LYRM4: variants seen among roughly 807,000 people sequenced by gnomAD.
The protein encoded by LYRM4 is LYR motif containing 4.
In LYRM4, 9 loss-of-function variants were observed where a neutral mutation model predicts 11.7. The ratio of observed to expected loss-of-function variants is 0.77; its 90% CI spans 0.46 to 1.34. The LOEUF (loss-of-function observed/expected upper bound fraction) is 1.34. LYRM4 is among the 40% of genes most tolerant of loss of function. The pLI is 0.00. For missense variants in LYRM4, 133 were observed against 112.5 expected (o/e 1.18, Z -0.82); for synonymous variants, 42 against 40.4 (o/e 1.04, Z -0.15).
chr6:5,251,639 C>G (rs1361095459), intron 1 of LYRM4, among the ~76,000 whole-genome samples: 1 of 152,140 alleles, frequency 6.6e-6, no homozygotes, highest in African/African-American at 2.4e-5. Context: ...TCATGAGAAA[C>G]CTGCCCCCAT....
At chr6:5,251,390 T>C (rs892619624) in intron 1 of LYRM4, among the ~76,000 whole-genome samples, 1 of 152,218 alleles carries the variant, frequency 6.6e-6, no homozygotes, top group African/African-American at 2.4e-5. Context: ...AGAGGTTTAA[T>C]TGGCTCACAG....
rs1034892894 is a variant in LYRM4, at chr6:5,260,900, G to C, written c.-167C>G. ...TAAGCGGGCAGCCCTGCGGATCGCG[G>C]ACGGCGCCAGGCGTCCCGCGCCGCT... On this transcript the variant is annotated 5_prime_UTR_variant, in exon 1 of 3. Transcript: ENST00000330636. The C allele has an allele frequency of 8.7e-5, 121 of 1,396,260 alleles. No individual in the cohort carries two copies. Among genetic ancestry groups the C allele is most frequent in the Non-Finnish European group, 1.0e-4 (113 of 1,081,440 alleles). The allele number at this position is 1,396,260 out of a possible 1,614,324, so 86.5% of individuals were successfully genotyped here. A position where few individuals can be genotyped will look rare whatever the true frequency, so the allele number is the denominator to read the frequency against.
intron 2 of LYRM4, among the ~76,000 whole-genome samples, chr6:5,120,291 A>G (rs1180475117): frequency 6.6e-6 from 1 of 152,150 alleles, no homozygotes; most frequent in African/African-American, 2.4e-5. Context: ...CTCTGCAGGA[A>G]TGAGTCCTTT....
chr6:5,036,931 C>T, the LYRM4 span, among the ~76,000 whole-genome samples: 1 of 152,118 alleles, frequency 6.6e-6, no homozygotes, highest in Non-Finnish European at 1.5e-5. Context: ...GGAGGGTGCC[C>T]TTCAAAGTCC....
chr6:5,086,529 G>C, the LYRM4 span: 4 of 1,531,470 alleles, frequency 2.6e-6, no homozygotes, highest in Admixed American at 2.0e-5. Context: ...CCAACTACAC[G>C]CTGCGCTACG....
chr6:5,217,497 C>T (rs1485055499), intron 1 of LYRM4, among the ~76,000 whole-genome samples: 1 of 152,210 alleles, frequency 6.6e-6, no homozygotes. Flanking sequence ...CTTCTTAACA[C>T]AAGGCCGTGT....
intron 2 of LYRM4, among the ~76,000 whole-genome samples, chr6:5,146,998 G>T (rs1488435118): frequency 6.6e-6 from 1 of 152,142 alleles, no homozygotes; most frequent in African/African-American, 2.4e-5. Flanking sequence ...TGGATGGAAT[G>T]ATTTCCCCAT....
intron 2 of LYRM4, among the ~76,000 whole-genome samples, chr6:5,198,111 T>A (rs1761173597): frequency 6.6e-6 from 1 of 151,880 alleles, no homozygotes; most frequent in South Asian, 2.1e-4. Context: ...GGCAGGAGAA[T>A]CGCTTGAACC....
At chr6:5,039,326 G>A in the LYRM4 span, among the ~76,000 whole-genome samples, 1 of 152,302 alleles carries the variant, frequency 6.6e-6, no homozygotes, top group East Asian at 1.9e-4. Flanking sequence ...TCCAGGCACT[G>A]TTTTAAGTGC....
chr6:5,060,133 G>A, the LYRM4 span, among the ~76,000 whole-genome samples: 3 of 152,228 alleles, frequency 2.0e-5, no homozygotes, highest in Non-Finnish European at 2.9e-5. Flanking sequence ...TACTAACAGT[G>A]CTTCAGTGAA....
At position 5,211,272 on chromosome 6, in the gene LYRM4, A is replaced by AGAG. The variant is rs574797279; in HGVS notation, c.207+5343_207+5345dup. 1.1e-4 allele frequency among the ~76,000 whole-genome samples: 16 copies of AGAG among 152,320 alleles called. No homozygotes were observed. In the East Asian group the frequency reaches 2.7e-3, roughly 26 times the overall value. ...GGATATTGCAGTGACTGACAATGAG[A>AGAG]GAGGGCCTGGTCATGATTTACTAGC... On this transcript the variant is annotated intron_variant, in intron 2 of 2. Transcript: ENST00000330636.
chr6:5,121,536 C>T lies in LYRM4; in HGVS notation c.208-12045G>A, dbSNP rs570500489. ...CCCTGGAGCTGGCATTGCAGCATTG[C>T]ACAACAGAGGATCCCCGAGACAAAA... On this transcript the variant is annotated intron_variant, in intron 2 of 2. Coordinates refer to ENST00000330636, the MANE Select transcript of LYRM4 (RefSeq NM_020408.6). Among the ~76,000 whole-genome samples, 219 of 152,322 alleles carry T rather than the reference C, an allele frequency of 1.4e-3. 3 individuals carry two copies. The highest frequency in any genetic ancestry group is 1.4e-3 in the Non-Finnish European group (93 of 68,030).
At chr6:5,165,627 C>T (rs1759039702) in intron 2 of LYRM4, among the ~76,000 whole-genome samples, 1 of 151,952 alleles carries the variant, frequency 6.6e-6, no homozygotes, top group Admixed American at 6.6e-5. Flanking sequence ...ACTGCAGCCT[C>T]CACCTCCCAG....
chr6:5,076,286 T>G, the LYRM4 span, among the ~76,000 whole-genome samples: 6 of 152,066 alleles, frequency 3.9e-5, no homozygotes, highest in Admixed American at 2.6e-4. Flanking sequence ...CTTTGTTGGT[T>G]TTTTGTTTGT....
At chr6:5,100,946 A>T (rs364878), downstream of LYRM4, among the ~76,000 whole-genome samples, 96,321 of 152,000 alleles carry the variant, frequency 0.63, 31,376 homozygotes, top group East Asian at 0.8. Context: ...TGACCCACAC[A>T]GACACTGCCC....
intron 2 of LYRM4, among the ~76,000 whole-genome samples, chr6:5,159,047 A>T (rs531432597): frequency 6.6e-6 from 1 of 152,324 alleles, no homozygotes; most frequent in Non-Finnish European, 1.5e-5. Context: ...TTCTAATGCC[A>T]CTGTATGCTA....
At chr6:5,259,001 G>A (rs1243328324) in intron 1 of LYRM4, among the ~76,000 whole-genome samples, 1 of 152,230 alleles carries the variant, frequency 6.6e-6, no homozygotes. Context: ...TTTCAGAAAT[G>A]GAAGGGTCCT....
chr6:5,219,588 C>T (rs944578071), intron 1 of LYRM4, among the ~76,000 whole-genome samples: 3 of 152,090 alleles, frequency 2.0e-5, no homozygotes, highest in Non-Finnish European at 4.4e-5. Context: ...ATTCTTATTT[C>T]GAATGATCAC....
chr6:5,086,070 C>T, the LYRM4 span: 1 of 1,469,326 alleles, frequency 6.8e-7, no homozygotes, highest in Non-Finnish European at 8.9e-7. Flanking sequence ...CGCCGCCTTC[C>T]CGGCTCCGGC....
Sources: gnomAD v4.1 joint callset for allele counts (sites outside exome capture counted in the v4.1 genomes callset) on GRCh38, gnomAD v4.1.1 for gene constraint, MANE v1.5 for transcripts, NCBI Gene and HGNC (gene_info 2026-07-23, HGNC 2026-07-21) for gene names.